The following RALGPS1 variants were observed in gnomAD, a reference collection of about 807,000 sequenced individuals.
The protein encoded by RALGPS1 is ras-specific guanine nucleotide-releasing factor RalGPS1.
A neutral mutation model predicts 78.8 loss-of-function variants in RALGPS1; 19 were observed. The observed-to-expected ratio is 0.24, with a 90% CI of 0.17 to 0.35. The LOEUF (loss-of-function observed/expected upper bound fraction) is 0.35, where lower values mean the gene tolerates loss of function less well. Ranked by LOEUF, RALGPS1 falls within the 10% of genes least tolerant of loss-of-function variation. The pLI is 1.00. For missense variants in RALGPS1, 454 were observed against 688.3 expected (o/e 0.66, Z 3.81); for synonymous variants, 228 against 256.3 (o/e 0.89, Z 1.06).
intron 11 of RALGPS1, among the ~76,000 whole-genome samples, chr9:127,186,325 C>T (rs1030399136): frequency 6.6e-6 from 1 of 152,220 alleles, no homozygotes; most frequent in Admixed American, 6.5e-5. Flanking sequence ...CTGAGATAGT[C>T]AAGCCACATG....
Position 127,166,107 on chromosome 9 carries a change from T to C in RALGPS1, c.649T>C (p.Tyr217His). 1 of 1,611,818 alleles carries C rather than the reference T, an allele frequency of 6.2e-7. No individual in the cohort carries two copies. Among genetic ancestry groups the C allele is most frequent in the Non-Finnish European group, 8.5e-7 (1 of 1,179,390 alleles). ...GGATTTAATCTACATTGATTCTGCA[T>C]ATCCTGCCTCAGGCAGTATCATGGA... is the stretch of plus-strand genomic sequence containing the variant. The part of the protein sequence containing the change: ...LLDLIYIDSA[Y>H]PASGSIMENE... The change falls in exon 9 of 19, where the codon TAT (tyrosine) becomes CAT (histidine). Residue 217 changes from tyrosine to histidine, a missense_variant. Tyr to His is a moderately conservative substitution (Grantham distance 83). Transcript: ENST00000259351.
At chr9:127,134,704 T>C (rs2057275742) in intron 8 of RALGPS1, among the ~76,000 whole-genome samples, 1 of 152,202 alleles carries the variant, frequency 6.6e-6, no homozygotes, top group Admixed American at 6.5e-5. Flanking sequence ...GTTGTTGTTG[T>C]TTTTTACTGT....
chr9:127,032,859 C>G (rs754107872), intron 4 of RALGPS1, among the ~76,000 whole-genome samples: 4 of 152,102 alleles, frequency 2.6e-5, no homozygotes, highest in African/African-American at 4.8e-5. Context: ...AAACCAAGTG[C>G]AAATATATGT....
intron 9 of RALGPS1, among the ~76,000 whole-genome samples, chr9:127,166,998 G>A (rs1297387936): frequency 4.0e-5 from 6 of 150,878 alleles, no homozygotes; most frequent in Non-Finnish European, 3.0e-5. Context: ...CAGGCGGTTA[G>A]TCAGCGGAAG....
intron 8 of RALGPS1, among the ~76,000 whole-genome samples, chr9:127,142,218 C>T (rs1430113712): frequency 1.3e-5 from 2 of 152,212 alleles, no homozygotes; most frequent in Non-Finnish European, 1.5e-5. Context: ...GGGATCCGTC[C>T]TTACAGACCA....
chr9:127,041,441 T>G (rs1255716161), intron 5 of RALGPS1, among the ~76,000 whole-genome samples: 2 of 152,172 alleles, frequency 1.3e-5, no homozygotes, highest in Non-Finnish European at 2.9e-5. Context: ...TAGATTGTGT[T>G]TGTCCCATTT....
chr9:127,146,298 C>T (rs1470909521), intron 8 of RALGPS1, among the ~76,000 whole-genome samples: 1 of 152,152 alleles, frequency 6.6e-6, no homozygotes, highest in East Asian at 1.9e-4. Flanking sequence ...CGTTTAGCTC[C>T]TGCTTCTGAG....
At chr9:126,924,060 G>A (rs2035029923) in intron 1 of RALGPS1, among the ~76,000 whole-genome samples, 1 of 152,176 alleles carries the variant, frequency 6.6e-6, no homozygotes, top group Non-Finnish European at 1.5e-5. Context: ...CCACTTTCCA[G>A]ATGAGGATGG....
At chr9:126,981,529 A>C (rs2041246564) in intron 4 of RALGPS1, among the ~76,000 whole-genome samples, 1 of 152,152 alleles carries the variant, frequency 6.6e-6, no homozygotes, top group African/African-American at 2.4e-5. Flanking sequence ...CACAGGGTTG[A>C]AAAGGGGTGG....
At chr9:127,178,746 A>G (rs552081479) in intron 11 of RALGPS1, among the ~76,000 whole-genome samples, 1 of 152,314 alleles carries the variant, frequency 6.6e-6, no homozygotes, top group East Asian at 1.9e-4. Context: ...CAGCAGTGGC[A>G]GAGTTGAGTG....
At chr9:127,095,255 G>A (rs769151601) in intron 8 of RALGPS1, among the ~76,000 whole-genome samples, 9 of 152,094 alleles carry the variant, frequency 5.9e-5, no homozygotes, top group Non-Finnish European at 1.0e-4. Context: ...AAAATTAGCC[G>A]TGTGTGGTGG....
rs1278207516 is a variant in RALGPS1 at position 126,957,450 on chromosome 9, T to G, written c.-65-4775T>G. Among the ~76,000 whole-genome samples the G allele has an allele frequency of 2.0e-5, 3 of 152,172 alleles. No homozygotes were observed. The East Asian group carries it at 5.8e-4, about 29-fold the overall frequency. On this transcript the variant is annotated intron_variant, in intron 1 of 18. Coordinates refer to ENST00000259351, the MANE Select transcript of RALGPS1 (RefSeq NM_014636.3). ...AGTCAAGCCCACTTCAGCCTGGGCC[T>G]GAGATAGGCTGGATCCACTCAAAGA...
intron 1 of RALGPS1, among the ~76,000 whole-genome samples, chr9:126,941,118 C>T (rs568083798): frequency 5.7e-4 from 68 of 119,938 alleles, no homozygotes; most frequent in Non-Finnish European, 1.1e-3. Flanking sequence ...TCAGTGAGGA[C>T]TTCTCATATA....
chr9:126,917,629 GGTT>G (rs1483608571), intron 1 of RALGPS1, among the ~76,000 whole-genome samples: 2 of 152,198 alleles, frequency 1.3e-5, no homozygotes, highest in Admixed American at 1.3e-4. Context: ...CACCTTGTGA[GGTT>G]GTTATGAAGA....
At chr9:127,000,967 A>G (rs191225027) in intron 4 of RALGPS1, among the ~76,000 whole-genome samples, 8 of 151,624 alleles carry the variant, frequency 5.3e-5, no homozygotes, top group African/African-American at 1.9e-4. Flanking sequence ...AATGTTTGGT[A>G]TGAACTTGAG....
chr9:127,136,802 G>C (rs1238047601), intron 8 of RALGPS1, among the ~76,000 whole-genome samples: 1 of 152,154 alleles, frequency 6.6e-6, no homozygotes, highest in African/African-American at 2.4e-5. Flanking sequence ...TCAGGGACTA[G>C]ATTCAGGTCT....
chr9:127,167,100 A>G (rs2059331713), intron 9 of RALGPS1, among the ~76,000 whole-genome samples: 1 of 152,156 alleles, frequency 6.6e-6, no homozygotes, highest in Non-Finnish European at 1.5e-5. Flanking sequence ...AGAGGAGTAA[A>G]AGTCCGGAAG....
intron 8 of RALGPS1, among the ~76,000 whole-genome samples, chr9:127,140,148 T>C (rs952103704): frequency 6.6e-6 from 1 of 152,188 alleles, no homozygotes; most frequent in African/African-American, 2.4e-5. Context: ...GGCTGTCTTG[T>C]TAGGGCCAAC....
chr9:127,192,116 T>C (rs906481017), intron 11 of RALGPS1, among the ~76,000 whole-genome samples: 4 of 152,228 alleles, frequency 2.6e-5, no homozygotes, highest in African/African-American at 7.2e-5. Flanking sequence ...CAAATACTTA[T>C]GAAGCTGTGC....
Sources: allele counts gnomAD v4.1 joint callset (sites outside exome capture counted in the v4.1 genomes callset), GRCh38; gene constraint gnomAD v4.1.1; transcripts MANE v1.5; gene names NCBI Gene and HGNC (gene_info 2026-07-23, HGNC 2026-07-21).